The following ARSG variants were observed in gnomAD, a reference collection of about 807,000 sequenced individuals.
The protein encoded by ARSG is arylsulfatase G, also known as ASG.
ARSG carries 37 observed loss-of-function variants against 50.5 expected under a neutral mutation model. That is an observed-to-expected ratio of 0.73 (90% CI 0.56 to 0.96). The LOEUF (loss-of-function observed/expected upper bound fraction) is 0.96. Among genes scored for constraint, ARSG ranks in the 50% least tolerant of loss-of-function variants. The pLI, the probability that ARSG is intolerant of heterozygous loss-of-function variation, is 0.00. For missense variants in ARSG, 629 were observed against 675.3 expected, an observed-to-expected ratio of 0.93 and a Z score of 0.76; for synonymous variants, 225 against 254.6, an observed-to-expected ratio of 0.88 and a Z score of 1.11.
intron 10 of ARSG, 68 bp from the exon 11 acceptor site, chr17:68,401,292 G>T (rs779081869): frequency 7.1e-6 from 10 of 1,404,778 alleles, no homozygotes; most frequent in Non-Finnish European, 9.0e-6. Context: ...CAAGGTATTG[G>T]GATTACAGGC....
intron 1 of ARSG, among the ~76,000 whole-genome samples, chr17:68,276,367 C>A (rs1345467596): frequency 6.6e-6 from 1 of 152,150 alleles, no homozygotes; most frequent in Non-Finnish European, 1.5e-5. Context: ...TTAATTTCAG[C>A]AATAACTTCA....
At chr17:68,417,181 C>G (rs2082423830) in intron 11 of ARSG, among the ~76,000 whole-genome samples, 1 of 152,062 alleles carries the variant, frequency 6.6e-6, no homozygotes, top group African/African-American at 2.4e-5. Flanking sequence ...TTAGTCTATC[C>G]CTTCCCTCCC....
the ARSG span, among the ~76,000 whole-genome samples, chr17:68,435,458 CCA>C: frequency 1.3e-5 from 2 of 152,138 alleles, no homozygotes; most frequent in African/African-American, 4.8e-5. Context: ...CATGAATATA[CCA>C]CACATGCAGA....
intron 8 of ARSG, among the ~76,000 whole-genome samples, chr17:68,373,186 T>C (rs539568757): frequency 5.7e-4 from 87 of 152,060 alleles, no homozygotes; most frequent in African/African-American, 2.0e-3. Flanking sequence ...GTGCTGGGAT[T>C]ACAGGCATGA....
At chr17:68,450,447 T>C in the ARSG span, among the ~76,000 whole-genome samples, 1 of 152,082 alleles carries the variant, frequency 6.6e-6, no homozygotes, top group African/African-American at 2.4e-5. Context: ...CTCTGACCCA[T>C]CCCTGCGGTG....
In ARSG at chr17:68,381,347, G is replaced by T. The variant is rs1192200706; in HGVS notation, c.983-3717G>T. The stretch of plus-strand genomic sequence containing the variant: ...GGCTAAATATTTATTGCTTTAAGAG[G>T]TTCTGCTTTAATTAGAGTCACAAGT... On this transcript the variant is annotated intron_variant, in intron 8 of 11. Coordinates refer to ENST00000621439, the MANE Select transcript of ARSG (RefSeq NM_001267727.2). The surrounding 1 kb of genome is among the most constrained non-coding windows in gnomAD (Gnocchi z 4.1). Among the ~76,000 whole-genome samples, 2 of 152,176 alleles carry T rather than the reference G, an allele frequency of 1.3e-5. No homozygotes were observed. The highest frequency in any genetic ancestry group is 1.9e-4 in the East Asian group (1 of 5,200).
chr17:68,376,755 C>T (rs769395133), intron 8 of ARSG, among the ~76,000 whole-genome samples: 1 of 152,108 alleles, frequency 6.6e-6, no homozygotes, highest in African/African-American at 2.4e-5. Context: ...CAAGTACCAG[C>T]CTCATTTCCA....
At chr17:68,396,703 C>A (rs1413225347) in intron 10 of ARSG, among the ~76,000 whole-genome samples, 1 of 152,188 alleles carries the variant, frequency 6.6e-6, no homozygotes, top group Non-Finnish European at 1.5e-5. Context: ...CAGCCTCCCC[C>A]AGCAAACCAG....
intron 1 of ARSG, among the ~76,000 whole-genome samples, chr17:68,282,779 T>TTAAAA (rs1188538323): frequency 1.9e-5 from 1 of 53,398 alleles, no homozygotes; most frequent in Non-Finnish European, 3.3e-5. Context: ...CCATCTCTAC[T>TTAAAA]AAAAAAAAAA....
chr17:68,384,432 T>C (rs916483094), intron 8 of ARSG, among the ~76,000 whole-genome samples: 1 of 152,200 alleles, frequency 6.6e-6, no homozygotes, highest in African/African-American at 2.4e-5. Context: ...TAGTTGTTTC[T>C]TACCTCCCCC....
At chr17:68,314,838 G>A (rs7208697) in intron 2 of ARSG, among the ~76,000 whole-genome samples, 27,517 of 152,246 alleles carry the variant, frequency 0.18, 4,480 homozygotes, top group African/African-American at 0.44. Flanking sequence ...GAATGTCAGT[G>A]TGAATTGGCT....
chr17:68,320,014 C>T (rs957032221), intron 2 of ARSG, among the ~76,000 whole-genome samples: 2 of 150,856 alleles, frequency 1.3e-5, no homozygotes, highest in African/African-American at 4.9e-5. Flanking sequence ...TGGCTGGGTG[C>T]GGTGGCTGAC....
chr17:68,272,837 G>T (rs782657234), intron 1 of ARSG: 7 of 1,580,960 alleles, frequency 4.4e-6, no homozygotes, highest in South Asian at 2.3e-5. Flanking sequence ...TGCATTAAAA[G>T]ATCTGGGATT....
At chr17:68,337,340 C>G (rs962941091) in intron 2 of ARSG, among the ~76,000 whole-genome samples, 10 of 152,108 alleles carry the variant, frequency 6.6e-5, no homozygotes, top group African/African-American at 2.4e-4. Flanking sequence ...GTGGGGCTGT[C>G]TGAGACTTCC....
intron 5 of ARSG, among the ~76,000 whole-genome samples, chr17:68,354,714 TC>T (rs776255019): frequency 4.6e-5 from 7 of 152,088 alleles, no homozygotes; most frequent in Non-Finnish European, 7.4e-5. Context: ...TGAAACCCGT[TC>T]TTTACAAAAA....
chr17:68,447,210 G>A, the ARSG span, among the ~76,000 whole-genome samples: 17 of 152,266 alleles, frequency 1.1e-4, no homozygotes, highest in African/African-American at 4.1e-4. Context: ...TGGATAGCAA[G>A]GGCCCCTGGG....
At chr17:68,266,977 A>C (rs1203479647) in intron 1 of ARSG, 1 of 152,196 alleles carries the variant, frequency 6.6e-6, no homozygotes, top group Non-Finnish European at 1.5e-5. Flanking sequence ...TAATTGCCTC[A>C]AACACTGAAT....
chr17:68,354,530 T>A (rs762863650), intron 5 of ARSG, among the ~76,000 whole-genome samples: 2 of 152,068 alleles, frequency 1.3e-5, no homozygotes, highest in African/African-American at 2.4e-5. Flanking sequence ...AATGGTATAA[T>A]AAAAAGCTGA....
intron 11 of ARSG, among the ~76,000 whole-genome samples, chr17:68,419,796 G>GA (rs34363131): frequency 0.33 from 45,800 of 137,090 alleles, 7,614 homozygotes; most frequent in South Asian, 0.44. Context: ...CCTGTCTCTG[G>GA]AAAAAAAAAA....
Sources: gnomAD v4.1 joint callset for allele counts (sites outside exome capture counted in the v4.1 genomes callset) on GRCh38, gnomAD v4.1.1 for gene constraint, Gnocchi (gnomAD v3.1) non-coding constraint, MANE v1.5 for transcripts, NCBI Gene and HGNC (gene_info 2026-07-23, HGNC 2026-07-21) for gene names.